Variants in SHROOM3 observed in about 807,000 individuals in gnomAD.
The protein encoded by SHROOM3 is protein Shroom3.
A neutral mutation model predicts 138.6 loss-of-function variants in SHROOM3; 47 were observed. That is an observed-to-expected ratio of 0.34 (90% CI 0.27 to 0.43). The LOEUF (loss-of-function observed/expected upper bound fraction) is 0.43. SHROOM3 is among the 20% of genes least tolerant of loss of function. The pLI, the probability that SHROOM3 is intolerant of heterozygous loss-of-function variation, is 1.00. For missense variants in SHROOM3, 2,491 were observed against 2,596.5 expected, an observed-to-expected ratio of 0.96 and a Z score of 0.88; for synonymous variants, 1,062 against 1,063.3, an observed-to-expected ratio of 1.00 and a Z score of 0.02.
intron 2 of SHROOM3, among the ~76,000 whole-genome samples, chr4:76,596,735 T>G (rs966166773): frequency 6.6e-6 from 1 of 152,140 alleles, no homozygotes; most frequent in Non-Finnish European, 1.5e-5. Flanking sequence ...TGCTTGATTT[T>G]CTCTGTGGGT....
chr4:76,460,303 T>C (rs1731113437), intron 1 of SHROOM3, among the ~76,000 whole-genome samples: 1 of 152,192 alleles, frequency 6.6e-6, no homozygotes, highest in Admixed American at 6.5e-5. Context: ...ATGTATAATC[T>C]GGTATAGCAT....
At chr4:76,589,895 T>G (rs767707772) in intron 2 of SHROOM3, among the ~76,000 whole-genome samples, 1 of 152,216 alleles carries the variant, frequency 6.6e-6, no homozygotes, top group Non-Finnish European at 1.5e-5. Context: ...TATATCATTA[T>G]CCTAGTGTGG....
chr4:76,519,474 T>G (rs555109437), intron 1 of SHROOM3, among the ~76,000 whole-genome samples: 2 of 152,324 alleles, frequency 1.3e-5, no homozygotes, highest in Admixed American at 6.5e-5. Flanking sequence ...TTCAGCCTGA[T>G]AGTCTACTCA....
intron 1 of SHROOM3, among the ~76,000 whole-genome samples, chr4:76,479,083 G>T (rs1395462468): frequency 6.6e-6 from 1 of 152,008 alleles, no homozygotes; most frequent in Non-Finnish European, 1.5e-5. Context: ...TTCTCCAAAG[G>T]ATCACAACTC....
chr4:76,761,428 A>G (rs1423815691), intron 9 of SHROOM3, among the ~76,000 whole-genome samples: 3 of 152,198 alleles, frequency 2.0e-5, no homozygotes, highest in Admixed American at 2.0e-4. Flanking sequence ...TCTTTTCAAC[A>G]CAATGCTGTA....
chr4:76,484,628 G>C (rs1423268339), intron 1 of SHROOM3, among the ~76,000 whole-genome samples: 18 of 152,116 alleles, frequency 1.2e-4, no homozygotes, highest in Admixed American at 1.2e-3. Flanking sequence ...TAGGAGAGCT[G>C]ATTACAGTTT....
intron 2 of SHROOM3, among the ~76,000 whole-genome samples, chr4:76,700,644 C>T (rs1305574946): frequency 2.0e-5 from 3 of 152,166 alleles, no homozygotes; most frequent in Non-Finnish European, 4.4e-5. Context: ...AGTCCAGTGC[C>T]TAATCCAATG....
At chr4:76,538,203 T>C (rs1413454805) in intron 1 of SHROOM3, among the ~76,000 whole-genome samples, 2 of 152,170 alleles carry the variant, frequency 1.3e-5, no homozygotes, top group Non-Finnish European at 2.9e-5. Flanking sequence ...CCAGCCTGAA[T>C]TGTACATTTT....
intron 4 of SHROOM3, 104 bp from the exon 5 acceptor site, chr4:76,738,657 C>G (rs1244159985): frequency 1.4e-6 from 2 of 1,418,850 alleles, no homozygotes; most frequent in Non-Finnish European, 2.0e-6. Context: ...CTTCCAAACA[C>G]CAAACCTCTT....
rs953693709 is a variant in SHROOM3 at position 76,733,382 on chromosome 4, G to C, written c.587+2447G>C. Reference sequence around the variant, plus strand: ...CTACCACTCTGTCTCTCTGATTGAAGCTTCAAAATTGTTCCTCCTGACATA... The same window carrying C: ...CTACCACTCTGTCTCTCTGATTGAACCTTCAAAATTGTTCCTCCTGACATA... On this transcript the variant is annotated intron_variant, in intron 4 of 10. Transcript: ENST00000296043. 8.9e-4 allele frequency among the ~76,000 whole-genome samples: 136 copies of C among 152,314 alleles called. 1 individual carries two copies. Among genetic ancestry groups the C allele is most frequent in the Admixed American group, 8.9e-3 (136 of 15,304 alleles).
intron 1 of SHROOM3, among the ~76,000 whole-genome samples, chr4:76,533,344 A>G (rs10023611): frequency 0.12 from 18,816 of 152,230 alleles, 1,697 homozygotes; most frequent in African/African-American, 0.25. Flanking sequence ...TGGCAAGACT[A>G]TCTGTAAAAG....
At chr4:76,500,035 T>C (rs1180113493) in intron 1 of SHROOM3, among the ~76,000 whole-genome samples, 1 of 152,224 alleles carries the variant, frequency 6.6e-6, no homozygotes, top group Non-Finnish European at 1.5e-5. Flanking sequence ...GCAGGTTAAA[T>C]GTGTTGCCTA....
rs559503745 is a variant in SHROOM3 at position 76,570,080 on chromosome 4, T to C, written c.323+14317T>C. Among the ~76,000 whole-genome samples the C allele has an allele frequency of 7.2e-5, 11 of 152,144 alleles. No homozygotes were observed. In the South Asian group the frequency reaches 2.3e-3, roughly 32 times the overall value. On this transcript the variant is annotated intron_variant, in intron 2 of 10. Transcript: ENST00000296043. ...TTCAAATTTTCTACTTCAAATAAAGTTTGGGGATGGTTTTTATTTCTGTGA... is the reference window on the plus strand; with the variant it reads ...TTCAAATTTTCTACTTCAAATAAAGCTTGGGGATGGTTTTTATTTCTGTGA...
intron 2 of SHROOM3, among the ~76,000 whole-genome samples, chr4:76,585,501 T>C (rs1734134093): frequency 6.6e-6 from 1 of 152,180 alleles, no homozygotes; most frequent in South Asian, 2.1e-4. Context: ...AATCAAGCAC[T>C]ACTTATCCAT....
chr4:76,438,914 A>G (rs1730613640), intron 1 of SHROOM3, among the ~76,000 whole-genome samples: 1 of 152,216 alleles, frequency 6.6e-6, no homozygotes, highest in African/African-American at 2.4e-5. Context: ...ATTAATAAGC[A>G]AAAGACCAAA....
intron 2 of SHROOM3, among the ~76,000 whole-genome samples, chr4:76,607,762 C>A (rs72868158): frequency 1.3e-5 from 2 of 151,844 alleles, no homozygotes; most frequent in East Asian, 3.9e-4. Flanking sequence ...TAAGTCACCA[C>A]GTGGGCATCA....
At chr4:76,567,606 T>C (rs774190842) in intron 2 of SHROOM3, among the ~76,000 whole-genome samples, 174 of 152,232 alleles carry the variant, frequency 1.1e-3, no homozygotes, top group Non-Finnish European at 2.1e-3. Flanking sequence ...GCTGAGATCG[T>C]GCCACTGCAC....
chr4:76,478,416 C>T (rs957472308), intron 1 of SHROOM3, among the ~76,000 whole-genome samples: 3 of 152,254 alleles, frequency 2.0e-5, no homozygotes, highest in Non-Finnish European at 2.9e-5. Context: ...TGTAGCCAGA[C>T]TGCCTCTCTA....
intron 2 of SHROOM3, among the ~76,000 whole-genome samples, chr4:76,681,631 G>GTGTGTGTGTGTGTGTGTGTA (rs1196090598): frequency 6.8e-6 from 1 of 147,284 alleles, no homozygotes; most frequent in Non-Finnish European, 1.5e-5. Flanking sequence ...GTGTGTGTGT[G>GTGTGTGTGTGTGTGTGTGTA]TGTATGTGTC....
Sources: allele counts gnomAD v4.1 joint callset (sites outside exome capture counted in the v4.1 genomes callset), GRCh38; gene constraint gnomAD v4.1.1; transcripts MANE v1.5; gene names NCBI Gene and HGNC (gene_info 2026-07-23, HGNC 2026-07-21).